NCS1: variants seen among roughly 807,000 people sequenced by gnomAD.
NCS1 encodes neuronal calcium sensor 1, also known as frequenin homolog.
Under a neutral mutation model 28.4 loss-of-function variants are expected in NCS1, and 6 were observed. The ratio of observed to expected loss-of-function variants is 0.21; its 90% CI spans 0.12 to 0.42. NCS1 has a LOEUF of 0.42. NCS1 is among the 10% of genes least tolerant of loss of function. NCS1 has a pLI of 1.00. For missense variants in NCS1, 131 were observed against 241.4 expected, an observed-to-expected ratio of 0.54 and a Z score of 3.03; for synonymous variants, 86 against 99.3, an observed-to-expected ratio of 0.87 and a Z score of 0.79.
chr9:130,231,887 A>C (rs1369510615), intron 7 of NCS1, among the ~76,000 whole-genome samples: 1 of 151,946 alleles, frequency 6.6e-6, no homozygotes, highest in Non-Finnish European at 1.5e-5. Flanking sequence ...GAAAAAAAAA[A>C]AAAAGGTAGC....
At chr9:130,174,831 G>A (rs1554904451) in intron 1 of NCS1, among the ~76,000 whole-genome samples, 1 of 150,064 alleles carries the variant, frequency 6.7e-6, no homozygotes, top group African/African-American at 2.5e-5. Flanking sequence ...TCTTTTTCTG[G>A]CTTTTGCTAG....
In NCS1 at chr9:130,226,574, C is replaced by G. The variant is rs1465227698; in HGVS notation, c.*17+70C>G. ...GGGTGAAAACCCAGCAGCAGGACAC[C>G]TACGGTTGGCAGGTAATTACCTGGG... is the stretch of plus-strand genomic sequence containing the variant. On this transcript the variant is annotated intron_variant, in intron 7 of 7. Transcript: ENST00000372398. This position sits in a 1 kb window ranked among gnomAD's most constrained non-coding sequence, Gnocchi z 4.8. The G allele has an allele frequency of 8.6e-7, 1 of 1,168,044 alleles. No homozygotes were observed. Among genetic ancestry groups the G allele is most frequent in the Non-Finnish European group, 1.2e-6 (1 of 802,090 alleles). The allele number at this position is 1,168,044 out of a possible 1,614,324, so 72.4% of individuals were successfully genotyped here.
rs924054959 is a variant in NCS1 at position 130,186,826 on chromosome 9, G to T, written c.64+14099G>T. ...GCATAGAGGGCCTGTGGCCGTGAGG[G>T]TGCTGATGGCGGGAGGGCCCTGATG... is the stretch of plus-strand genomic sequence containing the variant. On this transcript the variant is annotated intron_variant, in intron 1 of 7. Transcript: ENST00000372398. The surrounding 1 kb of genome is among the most constrained non-coding windows in gnomAD (Gnocchi z 4.1). Among the ~76,000 whole-genome samples the T allele has an allele frequency of 2.6e-5, 4 of 152,360 alleles. No individual in the cohort carries two copies. The East Asian group carries it at 7.7e-4, about 29-fold the overall frequency.
At chr9:130,203,602 A>G (rs1488120085) in intron 2 of NCS1, among the ~76,000 whole-genome samples, 7 of 152,138 alleles carry the variant, frequency 4.6e-5, no homozygotes, top group African/African-American at 1.4e-4. Flanking sequence ...GTGGCTGCTC[A>G]TGACCAAGGC....
rs1342127416 is a variant in NCS1 at position 130,181,389 on chromosome 9, C to T, written c.64+8662C>T. ...GGTGGAGGATCTGCGAGCTGCAGCACGGGACGGTCAGGGGCTGTCACTGCG... is the reference window on the plus strand; with the variant it reads ...GGTGGAGGATCTGCGAGCTGCAGCATGGGACGGTCAGGGGCTGTCACTGCG... On this transcript the variant is annotated intron_variant, in intron 1 of 7. Coordinates refer to ENST00000372398, the MANE Select transcript of NCS1 (RefSeq NM_014286.4). The surrounding 1 kb of genome is among the most constrained non-coding windows in gnomAD (Gnocchi z 5.0). 2.6e-5 allele frequency among the ~76,000 whole-genome samples: 4 copies of T among 152,168 alleles called. No individual in the cohort carries two copies. Among genetic ancestry groups the T allele is most frequent in the African/African-American group, 9.7e-5 (4 of 41,450 alleles).
chr9:130,210,297 G>T (rs1304000439), intron 2 of NCS1, among the ~76,000 whole-genome samples: 4 of 151,926 alleles, frequency 2.6e-5, no homozygotes, highest in African/African-American at 9.7e-5. Flanking sequence ...TACTCGGGAG[G>T]CTGAGGCAGG....
At position 130,191,309 on chromosome 9, in the gene NCS1, C is replaced by T. The variant is rs569293358; in HGVS notation, c.65-9649C>T. ...GTGCAGAGCGGTGAAGAGCAGCTCC[C>T]GGGAGCTGGGGCTGAAGGTTACCTG... On this transcript the variant is annotated intron_variant, in intron 1 of 7. Coordinates refer to ENST00000372398, the MANE Select transcript of NCS1 (RefSeq NM_014286.4). The surrounding 1 kb of genome is among the most constrained non-coding windows in gnomAD (Gnocchi z 6.4). Among the ~76,000 whole-genome samples the T allele has an allele frequency of 1.4e-3, 207 of 152,218 alleles. 2 individuals carry two copies. Among genetic ancestry groups the T allele is most frequent in the African/African-American group, 3.6e-3 (148 of 41,540 alleles).
intron 1 of NCS1, among the ~76,000 whole-genome samples, chr9:130,178,476 C>T (rs1021680857): frequency 2.6e-5 from 4 of 152,222 alleles, no homozygotes; most frequent in Non-Finnish European, 5.9e-5. Context: ...TGGGATCGGA[C>T]CCAGCTCCTG....
chr9:130,204,785 G>T (rs1339132799), intron 2 of NCS1, among the ~76,000 whole-genome samples: 1 of 152,180 alleles, frequency 6.6e-6, no homozygotes, highest in African/African-American at 2.4e-5. Flanking sequence ...TTCTCTGCTG[G>T]TGTCAGTAAC....
At chr9:130,223,771 A>C (rs1000091266) in intron 6 of NCS1, among the ~76,000 whole-genome samples, 4 of 152,106 alleles carry the variant, frequency 2.6e-5, no homozygotes, top group African/African-American at 9.7e-5. Flanking sequence ...AGGTTAGTAA[A>C]AAAAGGCTGA....
chr9:130,216,694 C>T (rs1420907520), intron 2 of NCS1, among the ~76,000 whole-genome samples: 8 of 147,974 alleles, frequency 5.4e-5, no homozygotes, highest in African/African-American at 1.5e-4. Flanking sequence ...CCAGCCTGGG[C>T]GACACAGTGA....
At chr9:130,190,557 C>T (rs1832804901) in intron 1 of NCS1, among the ~76,000 whole-genome samples, 1 of 152,194 alleles carries the variant, frequency 6.6e-6, no homozygotes, top group South Asian at 2.1e-4. Context: ...GGTCACTCAG[C>T]CAGTCAAAGC....
In NCS1 at chr9:130,209,161, G is replaced by A. The variant is rs558831929; in HGVS notation, c.89+8179G>A. Among the ~76,000 whole-genome samples the A allele has an allele frequency of 1.1e-4, 16 of 152,334 alleles. No homozygotes were observed. The highest frequency in any genetic ancestry group is 3.8e-4 in the African/African-American group (16 of 41,564). ...CTGCCGCTGCGCCCATCCCCGCTGC[G>A]CCTGGCTGATTGCAGCTTGGGGTAA... is the stretch of plus-strand genomic sequence containing the variant. On this transcript the variant is annotated intron_variant, in intron 2 of 7. Coordinates refer to ENST00000372398, the MANE Select transcript of NCS1 (RefSeq NM_014286.4). This position sits in a 1 kb window ranked among gnomAD's most constrained non-coding sequence, Gnocchi z 4.4.
intron 2 of NCS1, 69 bp from the exon 3 acceptor site, chr9:130,217,763 C>A: frequency 2.5e-6 from 4 of 1,608,174 alleles, no homozygotes; most frequent in Non-Finnish European, 3.4e-6. Flanking sequence ...CCCGGGCAGG[C>A]GATGTTGGTG....
intron 1 of NCS1, among the ~76,000 whole-genome samples, chr9:130,182,365 C>T (rs1047223938): frequency 4.0e-4 from 61 of 152,264 alleles, no homozygotes; most frequent in African/African-American, 1.4e-3. Context: ...GGGGAGGGAG[C>T]GCCCAGTCCC....
chr9:130,233,342 A>G lies in NCS1; in HGVS notation c.*370A>G, dbSNP rs1234312273. The G allele has an allele frequency of 2.6e-5, 4 of 152,146 alleles. No individual in the cohort carries two copies. The highest frequency in any genetic ancestry group is 5.9e-5 in the Non-Finnish European group (4 of 68,020). 9.4% of individuals were successfully genotyped at this position (152,146 alleles called of 1,614,324 possible). On this transcript the variant is annotated 3_prime_UTR_variant, in exon 8 of 8. Transcript: ENST00000372398. The surrounding 1 kb of genome is among the most constrained non-coding windows in gnomAD (Gnocchi z 4.8). ...GAACAGACGTTTTAAAAGAAAAAAA[A>G]ACAACTACCTTCTGTCCTAGAAGAC...
chr9:130,189,858 C>CAAAAAAAAA (rs869189538), intron 1 of NCS1, among the ~76,000 whole-genome samples: 3 of 43,116 alleles, frequency 7.0e-5, no homozygotes, highest in African/African-American at 1.7e-4. Flanking sequence ...GACTCCATCT[C>CAAAAAAAAA]AAAAAAAAAA....
Position 130,191,860 on chromosome 9 carries a change from A to G in NCS1, c.65-9098A>G, listed in dbSNP as rs1356907557. On this transcript the variant is annotated intron_variant, in intron 1 of 7. Coordinates refer to ENST00000372398, the MANE Select transcript of NCS1 (RefSeq NM_014286.4). The surrounding 1 kb of genome is among the most constrained non-coding windows in gnomAD (Gnocchi z 6.4). ...GCTGTGTGCCCCAGCCCAGTGCTGG[A>G]CCAGTCCTGGCTGGCACTCAGCGAA... is the stretch of plus-strand genomic sequence containing the variant. 6.6e-6 allele frequency among the ~76,000 whole-genome samples: 1 copy of G among 152,190 alleles called. No individual in the cohort carries two copies. Among genetic ancestry groups the G allele is most frequent in the Non-Finnish European group, 1.5e-5 (1 of 68,040 alleles).
In NCS1 at chr9:130,223,208, G is replaced by A. The variant is rs116718938; in HGVS notation, c.474+49G>A. 3,490 of 1,563,474 alleles carry A rather than the reference G, an allele frequency of 2.2e-3. 87 individuals are homozygous for A. The African/African-American group carries it at 0.04, about 18-fold the overall frequency. ...TCCTGGACCAGGGAGGCAAGGTGTC[G>A]GGGGCAGGAATTGGAGTCCCTGGAT... On this transcript the variant is annotated intron_variant, in intron 6 of 7. Transcript: ENST00000372398.
Sources: gnomAD v4.1 joint callset for allele counts (sites outside exome capture counted in the v4.1 genomes callset) on GRCh38, gnomAD v4.1.1 for gene constraint, Gnocchi (gnomAD v3.1) non-coding constraint, MANE v1.5 for transcripts, NCBI Gene and HGNC (gene_info 2026-07-23, HGNC 2026-07-21) for gene names.